The following GNG7 variants were observed in gnomAD, a reference collection of about 807,000 sequenced individuals.
The protein encoded by GNG7 is guanine nucleotide-binding protein G(I)/G(S)/G(O) subunit gamma-7.
GNG7 carries 1 observed loss-of-function variant against 4.0 expected under a neutral mutation model. The ratio of observed to expected loss-of-function variants is 0.25; its 90% confidence interval spans 0.09 to 1.18. The LOEUF is 1.18. GNG7 is among the 50% of genes most tolerant of loss of function. The probability of loss-of-function intolerance (pLI) is 0.50; values close to 1 mark genes in which losing one functional copy is unlikely to be tolerated. For missense variants in GNG7, 86 were observed against 91.9 expected (o/e 0.94, Z 0.26); for synonymous variants, 34 against 36.9 (o/e 0.92, Z 0.29).
intron 3 of GNG7, among the ~76,000 whole-genome samples, chr19:2,529,443 C>T (rs1978516813): frequency 6.6e-6 from 1 of 152,168 alleles, no homozygotes; most frequent in African/African-American, 2.4e-5. Context: ...GTCTCGAACT[C>T]CTGACCTCAG....
chr19:2,524,571 C>T (rs550672390), intron 3 of GNG7, among the ~76,000 whole-genome samples: 47 of 152,338 alleles, frequency 3.1e-4, no homozygotes, highest in Non-Finnish European at 5.9e-4. Context: ...CATGGGTGTG[C>T]ACGTCAGCAT....
intron 3 of GNG7, chr19:2,538,305 C>T (rs1468679576): frequency 2.2e-6 from 1 of 456,274 alleles, no homozygotes. Flanking sequence ...TAGAGAGATC[C>T]CTCCACGATG....
intron 2 of GNG7, among the ~76,000 whole-genome samples, chr19:2,615,222 C>T (rs1298599741): frequency 2.0e-5 from 3 of 148,410 alleles, no homozygotes; most frequent in African/African-American, 2.5e-5. Context: ...AGTGCAGTGG[C>T]GCGATCTCGG....
At chr19:2,516,468 C>A (rs4806861) in intron 4 of GNG7, among the ~76,000 whole-genome samples, 23,673 of 152,010 alleles carry the variant, frequency 0.16, 1,886 homozygotes, top group Middle Eastern at 0.21. Context: ...AAGTGATCCA[C>A]CTGCCTTAGC....
At chr19:2,566,090 G>A (rs960931850) in intron 2 of GNG7, among the ~76,000 whole-genome samples, 5 of 152,060 alleles carry the variant, frequency 3.3e-5, no homozygotes, top group African/African-American at 4.8e-5. Flanking sequence ...CCTGGGAGGC[G>A]GAGGTGGCAG....
chr19:2,573,792 G>A (rs575898696), intron 2 of GNG7, among the ~76,000 whole-genome samples: 58 of 152,270 alleles, frequency 3.8e-4, no homozygotes, highest in African/African-American at 1.4e-3. Context: ...GCAGTGAGCC[G>A]AGATCACGCC....
chr19:2,681,066 C>A (rs147984131), intron 1 of GNG7, among the ~76,000 whole-genome samples: 98 of 152,146 alleles, frequency 6.4e-4, no homozygotes, highest in African/African-American at 2.3e-3. Flanking sequence ...GAAGTGAAAC[C>A]GACAGTTTTT....
chr19:2,612,977 C>T (rs1023947265), intron 2 of GNG7, among the ~76,000 whole-genome samples: 3 of 152,112 alleles, frequency 2.0e-5, no homozygotes, highest in Non-Finnish European at 2.9e-5. Context: ...CAGATGTGAA[C>T]AACGGTGCCT....
intron 3 of GNG7, among the ~76,000 whole-genome samples, chr19:2,527,173 A>G (rs1411264721): frequency 6.6e-6 from 1 of 152,144 alleles, no homozygotes; most frequent in Non-Finnish European, 1.5e-5. Context: ...TGAAACAATT[A>G]TGGACTCAGG....
rs1276470408 is a variant in GNG7 at position 2,609,071 on chromosome 19, G to C, written c.-78+37153C>G. ...AGACAGGGTCTCACTCCATCTTCCA[G>C]GCTGGAGTGCAGTGGTGCGATCTTG... On this transcript the variant is annotated intron_variant, in intron 2 of 4. Coordinates refer to ENST00000382159, the MANE Select transcript of GNG7 (RefSeq NM_052847.3). The surrounding 1 kb of genome is among the most constrained non-coding windows in gnomAD (Gnocchi z 4.4). Among the ~76,000 whole-genome samples the C allele has an allele frequency of 6.6e-6, 1 of 151,792 alleles. No homozygotes were observed. Among genetic ancestry groups the C allele is most frequent in the Non-Finnish European group, 1.5e-5 (1 of 67,996 alleles).
intron 1 of GNG7, among the ~76,000 whole-genome samples, chr19:2,658,342 C>G (rs569312132): frequency 1.3e-5 from 2 of 152,218 alleles, no homozygotes; most frequent in Non-Finnish European, 2.9e-5. Flanking sequence ...TTGCATATTC[C>G]TCTTTGTTAT....
intron 3 of GNG7, among the ~76,000 whole-genome samples, chr19:2,553,576 A>G (rs979054546): frequency 2.0e-5 from 3 of 149,374 alleles, no homozygotes; most frequent in Admixed American, 1.4e-4. Flanking sequence ...AATAAATCAT[A>G]TCACATACAC....
At chr19:2,594,052 T>A (rs1417541502) in intron 2 of GNG7, among the ~76,000 whole-genome samples, 2 of 152,090 alleles carry the variant, frequency 1.3e-5, no homozygotes, top group Non-Finnish European at 2.9e-5. Context: ...TCTCTGCTTT[T>A]CTATTATACA....
intron 3 of GNG7, among the ~76,000 whole-genome samples, chr19:2,544,875 C>A (rs910949334): frequency 6.6e-6 from 1 of 151,900 alleles, no homozygotes; most frequent in African/African-American, 2.4e-5. Context: ...GATCTTACCC[C>A]ACTGTCCACA....
chr19:2,550,877 G>A (rs1193953415), intron 3 of GNG7, among the ~76,000 whole-genome samples: 1 of 152,186 alleles, frequency 6.6e-6, no homozygotes, highest in Non-Finnish European at 1.5e-5. Context: ...CGCTGAGTAG[G>A]GGGAGCTGAG....
intron 3 of GNG7, among the ~76,000 whole-genome samples, chr19:2,553,394 ATACATATATATATG>A (rs1979401328): frequency 7.8e-6 from 1 of 128,840 alleles, no homozygotes; most frequent in African/African-American, 3.2e-5. Context: ...ATATATATAT[ATACATATATATATG>A]TAATATACAT....
At chr19:2,699,860 A>C (rs1240225122) in intron 1 of GNG7, among the ~76,000 whole-genome samples, 1 of 152,196 alleles carries the variant, frequency 6.6e-6, no homozygotes, top group Non-Finnish European at 1.5e-5. Flanking sequence ...TTGTAAACTC[A>C]AAATTTCAAG....
At chr19:2,652,799 T>C (rs1255657270) in intron 1 of GNG7, among the ~76,000 whole-genome samples, 1 of 151,758 alleles carries the variant, frequency 6.6e-6, no homozygotes, top group Non-Finnish European at 1.5e-5. Flanking sequence ...TATTGTACTA[T>C]GGGCTGGGCA....
chr19:2,547,555 T>G lies in GNG7; in HGVS notation c.-38+7594A>C, dbSNP rs542040078. On this transcript the variant is annotated intron_variant, in intron 3 of 4. Coordinates refer to ENST00000382159, the MANE Select transcript of GNG7 (RefSeq NM_052847.3). ...CACGGTGGTGCTCTCATGACTCAGGTGGTCCTTCACTCAATCCCACCTGCA... is the reference window on the plus strand; with the variant it reads ...CACGGTGGTGCTCTCATGACTCAGGGGGTCCTTCACTCAATCCCACCTGCA... 4.6e-5 allele frequency among the ~76,000 whole-genome samples: 7 copies of G among 152,036 alleles called. No individual in the cohort carries two copies. The East Asian group carries it at 1.2e-3, about 25-fold the overall frequency.
Sources: gnomAD v4.1 joint callset for allele counts (sites outside exome capture counted in the v4.1 genomes callset) on GRCh38, gnomAD v4.1.1 for gene constraint, Gnocchi (gnomAD v3.1) non-coding constraint, MANE v1.5 for transcripts, NCBI Gene and HGNC (gene_info 2026-07-23, HGNC 2026-07-21) for gene names.